FKTN: variants seen among roughly 807,000 people sequenced by gnomAD.
FKTN encodes the protein fukutin.
A neutral mutation model predicts 58.6 loss-of-function variants in FKTN; 47 were observed. The observed-to-expected ratio is 0.80, with a 90% CI of 0.63 to 1.02. The LOEUF (loss-of-function observed/expected upper bound fraction) is 1.02, where lower values mean the gene tolerates loss of function less well. Among genes scored for constraint, FKTN ranks in the 50% least tolerant of loss-of-function variants. The pLI, the probability that FKTN is intolerant of heterozygous loss-of-function variation, is 0.00. For synonymous variants in FKTN, 178 were observed against 191.9 expected (o/e 0.93, Z 0.60); for missense variants, 516 against 537.3 (o/e 0.96, Z 0.39).
rs1834320388 is a variant in FKTN, at chr9:105,640,107, A to G, written c.*4843A>G. ...CTGTTTCTATCTCAACTAGGCAAGAATCAGCAGGGTGCATGATGCCATTTT... is the reference window on the plus strand; with the variant it reads ...CTGTTTCTATCTCAACTAGGCAAGAGTCAGCAGGGTGCATGATGCCATTTT... On this transcript the variant is annotated 3_prime_UTR_variant, in exon 11 of 11. Transcript: ENST00000357998. The G allele has an allele frequency of 2.6e-6, 4 of 1,535,434 alleles. No homozygotes were observed. Among genetic ancestry groups the G allele is most frequent in the Non-Finnish European group, 2.6e-6 (3 of 1,146,680 alleles).
In FKTN at chr9:105,590,192, C is replaced by T. The variant is rs188288359; in HGVS notation, c.106-6406C>T. 9.0e-3 allele frequency among the ~76,000 whole-genome samples: 1,368 copies of T among 152,220 alleles called. 18 individuals carry two copies. Among genetic ancestry groups the T allele is most frequent in the African/African-American group, 0.032 (1,310 of 41,510 alleles). ...GGAGATAATTGAATCATGGGGGTGG[C>T]TTCCCCCATACTGTTCTTGTGGTAG... On this transcript the variant is annotated intron_variant, in intron 3 of 10. Coordinates refer to ENST00000357998, the MANE Select transcript of FKTN (RefSeq NM_001079802.2).
At chr9:105,589,833 T>C (rs909656125) in intron 3 of FKTN, among the ~76,000 whole-genome samples, 2 of 151,964 alleles carry the variant, frequency 1.3e-5, no homozygotes, top group African/African-American at 4.8e-5. Flanking sequence ...ACAAAGAAAA[T>C]ACAAAAGTCC....
chr9:105,614,590 G>A (rs1168550435), intron 7 of FKTN, among the ~76,000 whole-genome samples: 1 of 152,080 alleles, frequency 6.6e-6, no homozygotes, highest in African/African-American at 2.4e-5. Flanking sequence ...ATCACTGAAT[G>A]GTGAAAACAT....
At position 105,641,112 on chromosome 9, in the gene FKTN, C is replaced by G. The variant is rs758844123; in HGVS notation, c.*5848C>G. 1 of 152,146 alleles carries G rather than the reference C, an allele frequency of 6.6e-6. No homozygotes were observed. Among genetic ancestry groups the G allele is most frequent in the South Asian group, 2.1e-4 (1 of 4,824 alleles). 9.4% of individuals were successfully genotyped at this position (152,146 alleles called of 1,614,324 possible). A position where few individuals can be genotyped will look rare whatever the true frequency, so the allele number is the denominator to read the frequency against. On this transcript the variant is annotated 3_prime_UTR_variant, in exon 11 of 11. Transcript: ENST00000357998. ...GGATGATGAATAAAATTTTTCTAAT[C>G]TCTTGAGATATCTTGTATTTATTTT...
Position 105,635,675 on chromosome 9 carries a change from C to A in FKTN, c.*411C>A. The A allele has an allele frequency of 9.2e-7, 1 of 1,081,456 alleles. No individual in the cohort carries two copies. Among genetic ancestry groups the A allele is most frequent in the Non-Finnish European group, 1.1e-6 (1 of 889,490 alleles). The allele number at this position is 1,081,456 out of a possible 1,614,324, so 67.0% of individuals were successfully genotyped here. A position where few individuals can be genotyped will look rare whatever the true frequency, so the allele number is the denominator to read the frequency against. Reference sequence around the variant, plus strand: ...AGGATATACTAGTTGAAAAGAATAACCCACTCCTCTTCTGGGCATTTAAGC... The same window carrying A: ...AGGATATACTAGTTGAAAAGAATAAACCACTCCTCTTCTGGGCATTTAAGC... On this transcript the variant is annotated 3_prime_UTR_variant, in exon 11 of 11. Transcript: ENST00000357998.
chr9:105,581,142 C>A (rs1842800275), intron 3 of FKTN, among the ~76,000 whole-genome samples: 1 of 149,396 alleles, frequency 6.7e-6, no homozygotes, highest in Non-Finnish European at 1.5e-5. Flanking sequence ...GTAATTTGAT[C>A]GTCTGAAGCC....
In FKTN at chr9:105,636,490, T is replaced by C; in HGVS notation, c.*1226T>C. On this transcript the variant is annotated 3_prime_UTR_variant, in exon 11 of 11. Transcript: ENST00000357998. Reference sequence around the variant, plus strand: ...TGTCGATGGGGCAAGAACTCAGACTTCTACTTTACCAAGTACCACACACTC... The same window carrying C: ...TGTCGATGGGGCAAGAACTCAGACTCCTACTTTACCAAGTACCACACACTC... 1 of 1,003,176 alleles carries C rather than the reference T, an allele frequency of 1.0e-6. No individual in the cohort carries two copies. The highest frequency in any genetic ancestry group is 1.2e-6 in the Non-Finnish European group (1 of 838,584). The allele number at this position is 1,003,176 out of a possible 1,614,324, so 62.1% of individuals were successfully genotyped here.
At chr9:105,562,834 G>A (rs1207669853) in intron 1 of FKTN, among the ~76,000 whole-genome samples, 1 of 152,160 alleles carries the variant, frequency 6.6e-6, no homozygotes, top group African/African-American at 2.4e-5. Context: ...TACTATCTAT[G>A]CCTCACTCTT....
chr9:105,596,075 A>T (rs188424671), intron 3 of FKTN, among the ~76,000 whole-genome samples: 1 of 152,330 alleles, frequency 6.6e-6, no homozygotes, highest in East Asian at 1.9e-4. Context: ...CAAAGCGTGC[A>T]TACTGGTGCT....
intron 9 of FKTN, among the ~76,000 whole-genome samples, chr9:105,618,649 T>C (rs957372449): frequency 6.6e-6 from 1 of 152,212 alleles, no homozygotes; most frequent in Non-Finnish European, 1.5e-5. Context: ...GGATAGGTCA[T>C]TGGGGCCTAG....
chr9:105,572,792 A>G (rs1409910185), intron 1 of FKTN, among the ~76,000 whole-genome samples: 1 of 152,216 alleles, frequency 6.6e-6, no homozygotes, highest in African/African-American at 2.4e-5. Flanking sequence ...TTGTTCTCAT[A>G]CACATTCTCT....
At position 105,639,734 on chromosome 9, in the gene FKTN, C is replaced by T. The variant is rs775088714; in HGVS notation, c.*4470C>T. ...TGGTTTGTGAATTCAGAGACATTAC[C>T]AGTTTGCCTCCTTCTCTCAATAGAA... On this transcript the variant is annotated 3_prime_UTR_variant, in exon 11 of 11. Coordinates refer to ENST00000357998, the MANE Select transcript of FKTN (RefSeq NM_001079802.2). 6 of 980,536 alleles carry T rather than the reference C, an allele frequency of 6.1e-6. No individual in the cohort carries two copies. Among genetic ancestry groups the T allele is most frequent in the South Asian group, 4.5e-5 (1 of 22,082 alleles). The allele number at this position is 980,536 out of a possible 1,614,324, so 60.7% of individuals were successfully genotyped here. A position where few individuals can be genotyped will look rare whatever the true frequency, so the allele number is the denominator to read the frequency against.
intron 1 of FKTN, among the ~76,000 whole-genome samples, chr9:105,560,739 C>A (rs1838145958): frequency 1.3e-5 from 2 of 152,084 alleles, no homozygotes; most frequent in South Asian, 4.2e-4. Context: ...AAGATAAATA[C>A]CCAAGTGTCC....
At chr9:105,603,514 T>C (rs1482893607) in intron 5 of FKTN, among the ~76,000 whole-genome samples, 2 of 152,228 alleles carry the variant, frequency 1.3e-5, no homozygotes, top group Admixed American at 1.3e-4. Flanking sequence ...TTTGAAGTAC[T>C]TTTGAAGATA....
intron 5 of FKTN, among the ~76,000 whole-genome samples, chr9:105,602,548 GT>G (rs2132737696): frequency 6.6e-6 from 1 of 152,136 alleles, no homozygotes; most frequent in Non-Finnish European, 1.5e-5. Flanking sequence ...TTTGTGTTGG[GT>G]TTTTTGTTTT....
At chr9:105,567,084 A>G (rs1839789998) in intron 1 of FKTN, among the ~76,000 whole-genome samples, 1 of 152,226 alleles carries the variant, frequency 6.6e-6, no homozygotes, top group South Asian at 2.1e-4. Flanking sequence ...AAGGCCTTTG[A>G]CAAAATTCAA....
chr9:105,569,302 A>G (rs1840307955), intron 1 of FKTN, among the ~76,000 whole-genome samples: 1 of 152,190 alleles, frequency 6.6e-6, no homozygotes, highest in African/African-American at 2.4e-5. Flanking sequence ...AAAAAAAATA[A>G]GTAAATAAAA....
chr9:105,622,188 C>T (rs1832084171), intron 10 of FKTN, among the ~76,000 whole-genome samples: 1 of 152,146 alleles, frequency 6.6e-6, no homozygotes, highest in South Asian at 2.1e-4. Context: ...ATTGGGAGCA[C>T]ATTAGAATTA....
intron 8 of FKTN, among the ~76,000 whole-genome samples, chr9:105,615,704 T>A (rs1383653463): frequency 6.6e-6 from 1 of 152,188 alleles, no homozygotes; most frequent in African/African-American, 2.4e-5. Flanking sequence ...CCATGGACAA[T>A]ACATTCCAAG....
Sources: allele counts gnomAD v4.1 joint callset (sites outside exome capture counted in the v4.1 genomes callset), GRCh38; gene constraint gnomAD v4.1.1; transcripts MANE v1.5; gene names NCBI Gene and HGNC (gene_info 2026-07-23, HGNC 2026-07-21).